THSD7B: variants seen among roughly 807,000 people sequenced by gnomAD.
THSD7B encodes thrombospondin type-1 domain-containing protein 7B.
Under a neutral mutation model 213.6 loss-of-function variants are expected in THSD7B, and 138 were observed. That is an observed-to-expected ratio of 0.65 (90% CI 0.56 to 0.74). THSD7B has a LOEUF of 0.74. Ranked by LOEUF, THSD7B falls within the 30% of genes least tolerant of loss-of-function variation. THSD7B has a pLI of 0.00. For missense variants in THSD7B, 1,931 were observed against 1,991.5 expected (o/e 0.97, Z 0.58); for synonymous variants, 742 against 687.0 (o/e 1.08, Z -1.25).
chr2:137,203,547 C>A (rs1680920888), intron 7 of THSD7B, among the ~76,000 whole-genome samples: 1 of 151,686 alleles, frequency 6.6e-6, no homozygotes, highest in South Asian at 2.1e-4. Context: ...TTCCATATTT[C>A]TTTTTTAGTG....
intron 12 of THSD7B, among the ~76,000 whole-genome samples, chr2:137,388,580 T>C (rs1685946975): frequency 6.6e-6 from 1 of 150,520 alleles, no homozygotes; most frequent in Non-Finnish European, 1.5e-5. Flanking sequence ...TACGTATAGT[T>C]GCCCTAGTCT....
rs775031984 is a variant in THSD7B, at chr2:137,405,760, G to A, written c.2648G>A (p.Cys883Tyr). ...ACTGCTTGGTCCAAGTTTACGCCCT[G>A]CTCCACGAACTGTGAAGCCACAAAA... ...TFTAWSKFTP[C>Y]STNCEATKSR... Residue 883 changes from cysteine (C) to tyrosine (Y), a missense_variant, in exon 13 of 28, where the codon TGC becomes TAC. Transcript: ENST00000409968. The A allele has an allele frequency of 1.2e-6, 2 of 1,613,324 alleles. No individual in the cohort carries two copies. Among genetic ancestry groups the A allele is most frequent in the African/African-American group, 2.7e-5 (2 of 74,882 alleles).
intron 14 of THSD7B, among the ~76,000 whole-genome samples, chr2:137,414,333 A>G (rs1010188519): frequency 2.0e-5 from 3 of 151,976 alleles, no homozygotes; most frequent in Non-Finnish European, 2.9e-5. Context: ...ACTTCTAGGG[A>G]TATGACATAT....
chr2:136,892,639 T>A (rs942214806), intron 2 of THSD7B, among the ~76,000 whole-genome samples: 4 of 151,958 alleles, frequency 2.6e-5, no homozygotes, highest in African/African-American at 9.7e-5. Context: ...TTCTCAAGAA[T>A]GTCCTCTTGA....
Position 136,860,984 on chromosome 2 carries a change from G to A in THSD7B, c.-35-21160G>A, listed in dbSNP as rs1039114499. On this transcript the variant is annotated intron_variant, in intron 1 of 27. Transcript: ENST00000409968. Reference sequence around the variant, plus strand: ...TTGGTTTTGCCTAGAACGCTGTTTCGCAGATAGCTGCGTAGCTCACTTCTA... The same window carrying A: ...TTGGTTTTGCCTAGAACGCTGTTTCACAGATAGCTGCGTAGCTCACTTCTA... Among the ~76,000 whole-genome samples the A allele has an allele frequency of 3.3e-5, 5 of 152,338 alleles. 1 individual carries two copies. The highest frequency in any genetic ancestry group is 1.9e-4 in the East Asian group (1 of 5,182).
At chr2:137,150,821 T>A (rs1679805388) in intron 5 of THSD7B, among the ~76,000 whole-genome samples, 1 of 152,218 alleles carries the variant, frequency 6.6e-6, no homozygotes, top group South Asian at 2.1e-4. Flanking sequence ...TATGGCCTAA[T>A]GCTCACAGGC....
At chr2:136,938,660 T>G (rs146232779) in intron 2 of THSD7B, among the ~76,000 whole-genome samples, 1,556 of 152,312 alleles carry the variant, frequency 0.01, 26 homozygotes, top group African/African-American at 0.035. Flanking sequence ...AGATTAGACT[T>G]TGTATTGAGG....
chr2:136,917,441 G>T (rs1348493568), intron 2 of THSD7B, among the ~76,000 whole-genome samples: 2 of 152,192 alleles, frequency 1.3e-5, no homozygotes, highest in Non-Finnish European at 2.9e-5. Flanking sequence ...TTGTCTAATT[G>T]AGTCAGTGAG....
intron 2 of THSD7B, among the ~76,000 whole-genome samples, chr2:136,940,724 T>TA (rs66743716): frequency 3.5e-4 from 47 of 135,474 alleles, no homozygotes; most frequent in Admixed American, 1.0e-3. Flanking sequence ...TATATATATA[T>TA]ATAATATATA....
chr2:137,019,116 C>A (rs977949400), intron 2 of THSD7B, among the ~76,000 whole-genome samples: 2 of 152,146 alleles, frequency 1.3e-5, no homozygotes, highest in African/African-American at 4.8e-5. Flanking sequence ...CATGTCCTCA[C>A]CCCTTCCACT....
chr2:137,014,763 C>T (rs933756952), intron 2 of THSD7B, among the ~76,000 whole-genome samples: 1 of 152,134 alleles, frequency 6.6e-6, no homozygotes, highest in South Asian at 2.1e-4. Flanking sequence ...GTCAGACCTC[C>T]GTTTTCCTCA....
chr2:137,435,676 G>A (rs777021222), intron 14 of THSD7B, among the ~76,000 whole-genome samples: 2 of 152,104 alleles, frequency 1.3e-5, no homozygotes, highest in Non-Finnish European at 2.9e-5. Context: ...TATACTATTA[G>A]TCTACTCTTA....
chr2:136,782,479 C>T (rs1418497582), intron 1 of THSD7B, among the ~76,000 whole-genome samples: 1 of 152,112 alleles, frequency 6.6e-6, no homozygotes, highest in African/African-American at 2.4e-5. Flanking sequence ...TTCATTGAAC[C>T]ACTTGGCTGT....
At chr2:137,126,668 A>G (rs1303955668) in intron 5 of THSD7B, among the ~76,000 whole-genome samples, 2 of 152,158 alleles carry the variant, frequency 1.3e-5, no homozygotes, top group African/African-American at 4.8e-5. Flanking sequence ...AATTTCCCTC[A>G]AAAACTTTTT....
intron 7 of THSD7B, among the ~76,000 whole-genome samples, chr2:137,219,991 G>T (rs11901713): frequency 0.057 from 8,726 of 152,180 alleles, 650 homozygotes; most frequent in African/African-American, 0.17. Context: ...TAGTGTTGGT[G>T]TTGTATACTA....
chr2:137,032,588 A>G (rs1190199070), intron 2 of THSD7B, among the ~76,000 whole-genome samples: 5 of 152,190 alleles, frequency 3.3e-5, no homozygotes, highest in Admixed American at 3.3e-4. Context: ...GACACTTAAT[A>G]AACTTGGCTT....
chr2:137,180,538 G>A (rs1680434899), intron 7 of THSD7B, among the ~76,000 whole-genome samples: 1 of 152,008 alleles, frequency 6.6e-6, no homozygotes, highest in Admixed American at 6.6e-5. Flanking sequence ...GGTATATTAA[G>A]GTACACTCAA....
intron 3 of THSD7B, among the ~76,000 whole-genome samples, chr2:137,086,785 A>G (rs1210812615): frequency 6.6e-6 from 1 of 152,250 alleles, no homozygotes; most frequent in Admixed American, 6.5e-5. Context: ...TTCCTCAACA[A>G]AAATAAGCCT....
intron 1 of THSD7B, among the ~76,000 whole-genome samples, chr2:136,858,925 G>T (rs1683218168): frequency 6.6e-6 from 1 of 152,200 alleles, no homozygotes; most frequent in Non-Finnish European, 1.5e-5. Flanking sequence ...AGTGACAGCA[G>T]GGAAGGACAA....
Sources: allele counts gnomAD v4.1 joint callset (sites outside exome capture counted in the v4.1 genomes callset), GRCh38; gene constraint gnomAD v4.1.1; transcripts MANE v1.5; gene names NCBI Gene and HGNC (gene_info 2026-07-23, HGNC 2026-07-21).